Variants in DGKB observed in about 807,000 individuals in gnomAD.
DGKB encodes diacylglycerol kinase beta, also known as 90 kDa diacylglycerol kinase.
In DGKB, 67 loss-of-function variants were observed where a neutral mutation model predicts 114.3. That is an observed-to-expected ratio of 0.59 (90% CI 0.48 to 0.72). The LOEUF (loss-of-function observed/expected upper bound fraction) is 0.72, where lower values mean the gene tolerates loss of function less well. Ranked by LOEUF, DGKB falls within the 30% of genes least tolerant of loss-of-function variation. DGKB has a pLI of 0.00. For synonymous variants in DGKB, 398 were observed against 323.1 expected (o/e 1.23, Z -2.49); for missense variants, 907 against 975.2 (o/e 0.93, Z 0.93).
At chr7:14,238,378 T>C (rs1709091540) in intron 23 of DGKB, among the ~76,000 whole-genome samples, 1 of 152,002 alleles carries the variant, frequency 6.6e-6, no homozygotes, top group South Asian at 2.1e-4. Flanking sequence ...TAACTATAAG[T>C]TTCCTGAGGC....
At chr7:14,542,786 T>A (rs1312745520) in intron 20 of DGKB, among the ~76,000 whole-genome samples, 1 of 152,200 alleles carries the variant, frequency 6.6e-6, no homozygotes, top group African/African-American at 2.4e-5. Flanking sequence ...AGCAATCGCA[T>A]CCAGAGGACT....
chr7:14,470,689 G>C (rs1781149552), intron 21 of DGKB, among the ~76,000 whole-genome samples: 1 of 151,674 alleles, frequency 6.6e-6, no homozygotes, highest in African/African-American at 2.4e-5. Flanking sequence ...TGTCATACCT[G>C]ACTCAAAAAT....
At chr7:14,357,997 C>T (rs1030457089) in intron 21 of DGKB, among the ~76,000 whole-genome samples, 2 of 152,194 alleles carry the variant, frequency 1.3e-5, no homozygotes, top group East Asian at 1.9e-4. Context: ...GTGGGTAACC[C>T]GACCTTTCTC....
chr7:14,505,111 A>G (rs1786824357), intron 20 of DGKB, among the ~76,000 whole-genome samples: 1 of 152,098 alleles, frequency 6.6e-6, no homozygotes, highest in African/African-American at 2.4e-5. Context: ...TTGTCCTCAT[A>G]TCCTATGCAG....
intron 1 of DGKB, among the ~76,000 whole-genome samples, chr7:14,857,831 A>C (rs1230949323): frequency 1.3e-5 from 2 of 152,220 alleles, no homozygotes; most frequent in Non-Finnish European, 1.5e-5. Context: ...TACTTTATTT[A>C]AATGTATCAA....
intron 20 of DGKB, among the ~76,000 whole-genome samples, chr7:14,517,155 C>T (rs1788941609): frequency 6.6e-6 from 1 of 151,976 alleles, no homozygotes; most frequent in Non-Finnish European, 1.5e-5. Flanking sequence ...TAAGGCCATG[C>T]ACCTACAACC....
chr7:14,409,229 G>T (rs750506059), intron 21 of DGKB, among the ~76,000 whole-genome samples: 23 of 152,156 alleles, frequency 1.5e-4, no homozygotes, highest in Middle Eastern at 3.4e-3. Context: ...TCATCCCGAG[G>T]GAGCAGTTCC....
In DGKB at chr7:14,655,772, G is replaced by C. The variant is rs573908826; in HGVS notation, c.1134+17157C>G. ...ACCTGAAGGGCATTATGTTAAATTAGTCAAGCACAGAAAGATCAATACCAC... is the reference window on the plus strand; with the variant it reads ...ACCTGAAGGGCATTATGTTAAATTACTCAAGCACAGAAAGATCAATACCAC... On this transcript the variant is annotated intron_variant, in intron 13 of 25. Coordinates refer to ENST00000402815, the MANE Select transcript of DGKB (RefSeq NM_001350709.2). Among the ~76,000 whole-genome samples the C allele has an allele frequency of 2.6e-5, 4 of 151,664 alleles. No homozygotes were observed. In the East Asian group the frequency reaches 5.8e-4, roughly 22 times the overall value.
intron 10 of DGKB, among the ~76,000 whole-genome samples, chr7:14,684,771 G>A (rs542770943): frequency 4.6e-5 from 7 of 151,912 alleles, no homozygotes; most frequent in Non-Finnish European, 7.4e-5. Flanking sequence ...AAATTAGTTC[G>A]TATATCTTGC....
In DGKB at chr7:14,213,457, G is replaced by A. The variant is rs561723870; in HGVS notation, c.2123-35306C>T. Among the ~76,000 whole-genome samples, 54 of 152,228 alleles carry A rather than the reference G, an allele frequency of 3.5e-4. No individual in the cohort carries two copies. In the South Asian group the frequency reaches 3.7e-3, roughly 10 times the overall value. ...CTGTATGTCTGGGAAGCAAAGCATC[G>A]TCTGTCATTTATTCCATAATATCTT... On this transcript the variant is annotated intron_variant, in intron 23 of 25. Coordinates refer to ENST00000402815, the MANE Select transcript of DGKB (RefSeq NM_001350709.2).
chr7:14,951,314 C>T (rs574825861), intron 1 of DGKB, among the ~76,000 whole-genome samples: 19 of 151,916 alleles, frequency 1.3e-4, no homozygotes, highest in African/African-American at 3.4e-4. Flanking sequence ...AACGGGTGAA[C>T]GGATAAACAC....
chr7:14,759,483 T>G (rs1246730016), intron 2 of DGKB, among the ~76,000 whole-genome samples: 1 of 152,168 alleles, frequency 6.6e-6, no homozygotes, highest in Non-Finnish European at 1.5e-5. Flanking sequence ...CTATTCTGGA[T>G]ATTTCATGTA....
At chr7:14,836,797 C>T (rs781275899) in intron 2 of DGKB, among the ~76,000 whole-genome samples, 12 of 152,234 alleles carry the variant, frequency 7.9e-5, no homozygotes, top group African/African-American at 1.4e-4. Flanking sequence ...CAGCTGCCTT[C>T]GGCATTTGTA....
At chr7:14,378,320 T>C (rs1818824722) in intron 21 of DGKB, among the ~76,000 whole-genome samples, 1 of 152,150 alleles carries the variant, frequency 6.6e-6, no homozygotes, top group Non-Finnish European at 1.5e-5. Context: ...TTTGCCCACA[T>C]AAACAGAGTC....
At chr7:14,842,664 A>G (rs1848096543) in intron 1 of DGKB, among the ~76,000 whole-genome samples, 1 of 152,178 alleles carries the variant, frequency 6.6e-6, no homozygotes, top group African/African-American at 2.4e-5. Flanking sequence ...CTCTCTGGTT[A>G]CAGGCAGTTT....
Position 14,535,848 on chromosome 7 carries a change from G to A in DGKB, c.1770+38364C>T, listed in dbSNP as rs186171142. On this transcript the variant is annotated intron_variant, in intron 20 of 25. Coordinates refer to ENST00000402815, the MANE Select transcript of DGKB (RefSeq NM_001350709.2). ...GATCCACCCCCCTCAGCCTCCCATC[G>A]TACTGGGATTATAGGCATGAGCCAC... is the stretch of plus-strand genomic sequence containing the variant. Among the ~76,000 whole-genome samples the A allele has an allele frequency of 3.6e-3, 542 of 152,090 alleles. 3 individuals are homozygous for A. The highest frequency in any genetic ancestry group is 0.013 in the African/African-American group (519 of 41,490).
At chr7:14,251,971 A>T (rs1024877220) in intron 23 of DGKB, among the ~76,000 whole-genome samples, 3 of 152,160 alleles carry the variant, frequency 2.0e-5, no homozygotes, top group Non-Finnish European at 4.4e-5. Context: ...ATGTATCTCC[A>T]TGAAGATCTT....
At chr7:14,215,328 T>A (rs1000344778) in intron 23 of DGKB, among the ~76,000 whole-genome samples, 1 of 152,070 alleles carries the variant, frequency 6.6e-6, no homozygotes. Flanking sequence ...CGAGCCACAT[T>A]AGTCTCAAGG....
chr7:14,485,637 G>A (rs994901509), intron 20 of DGKB, among the ~76,000 whole-genome samples: 21 of 151,776 alleles, frequency 1.4e-4, no homozygotes, highest in African/African-American at 4.8e-4. Context: ...GGTGGCTCAC[G>A]CCTGTAATCC....
Sources: allele counts gnomAD v4.1 joint callset (sites outside exome capture counted in the v4.1 genomes callset), GRCh38; gene constraint gnomAD v4.1.1; transcripts MANE v1.5; gene names NCBI Gene and HGNC (gene_info 2026-07-23, HGNC 2026-07-21).